The following SLC22A2 variants were observed in gnomAD, a reference collection of about 807,000 sequenced individuals.
SLC22A2 encodes the protein solute carrier family 22 member 2, also known as organic cation transporter 2.
SLC22A2 carries 46 observed loss-of-function variants against 60.5 expected under a neutral mutation model. The ratio of observed to expected loss-of-function variants is 0.76; its 90% confidence interval spans 0.60 to 0.97. The LOEUF is 0.97. Among genes scored for constraint, SLC22A2 ranks in the 50% least tolerant of loss-of-function variants. The pLI is 0.00. For missense variants in SLC22A2, 701 were observed against 706.6 expected, an observed-to-expected ratio of 0.99 and a Z score of 0.09; for synonymous variants, 303 against 267.0, an observed-to-expected ratio of 1.13 and a Z score of -1.31.
intron 9 of SLC22A2, among the ~76,000 whole-genome samples, 194 bp from the exon 10 acceptor site, chr6:160,224,998 T>C (rs973533258): frequency 6.6e-5 from 10 of 152,210 alleles, no homozygotes; most frequent in Non-Finnish European, 1.5e-5. Flanking sequence ...TGAATTACTA[T>C]TCCTAATAGG....
At chr6:160,218,790 T>C (rs1453593580) in intron 10 of SLC22A2, among the ~76,000 whole-genome samples, 2 of 262 alleles carry the variant, frequency 7.6e-3, no homozygotes, top group Non-Finnish European at 0.018. Flanking sequence ...GCAACAATTT[T>C]AGCAATAGCA....
At chr6:160,233,243 G>A (rs533178552) in intron 9 of SLC22A2, among the ~76,000 whole-genome samples, 7 of 151,980 alleles carry the variant, frequency 4.6e-5, no homozygotes, top group East Asian at 1.9e-4. Context: ...TTTCCACAGG[G>A]TCTGAGAAGG....
chr6:160,241,890 T>C (rs968811863), intron 8 of SLC22A2, among the ~76,000 whole-genome samples: 1 of 152,024 alleles, frequency 6.6e-6, no homozygotes. Context: ...TATATATATA[T>C]ATATACATAA....
chr6:160,256,695 G>C lies in SLC22A2; in HGVS notation c.437C>G (p.Ser146Cys). ...VTEFNLVCAN[S>C]WMLDLFQSSV... ...TGACTGGAATAGGTCCAACATCCAG[G>C]AGTTGGCACATACCAGGTTAAACTG... Residue 146 changes from serine (S) to cysteine (C), a missense_variant, in exon 2 of 11, where the codon TCC becomes TGC. Transcript: ENST00000366953. 1 of 1,613,814 alleles carries C rather than the reference G, an allele frequency of 6.2e-7. No homozygotes were observed. The highest frequency in any genetic ancestry group is 8.5e-7 in the Non-Finnish European group (1 of 1,179,698).
intron 1 of SLC22A2, among the ~76,000 whole-genome samples, chr6:160,257,492 A>G (rs1269321845): frequency 1.3e-5 from 2 of 152,038 alleles, no homozygotes; most frequent in East Asian, 3.9e-4. Flanking sequence ...GTAGGAAGCA[A>G]TGAGATTGGC....
intron 8 of SLC22A2, among the ~76,000 whole-genome samples, chr6:160,242,030 C>G (rs1037607075): frequency 6.6e-6 from 1 of 152,040 alleles, no homozygotes; most frequent in Admixed American, 6.6e-5. Flanking sequence ...CCTGTTTGTG[C>G]TGTTCCACAA....
At chr6:160,254,068 A>G (rs1783229542) in intron 2 of SLC22A2, among the ~76,000 whole-genome samples, 1 of 152,182 alleles carries the variant, frequency 6.6e-6, no homozygotes, top group African/African-American at 2.4e-5. Context: ...ACCTAAGGTC[A>G]GTAGTTCGAG....
Position 160,217,265 on chromosome 6 carries a change from A to G in SLC22A2, c.*167T>C. ...TTTGGCAGGATCTGGTCCCATGGGT[A>G]TTTTTCCACAGTGTACAATAGACTC... On this transcript the variant is annotated 3_prime_UTR_variant, in exon 11 of 11. Coordinates refer to ENST00000366953, the MANE Select transcript of SLC22A2 (RefSeq NM_003058.4). 2.4e-6 allele frequency: 1 copy of G among 413,368 alleles called. No individual in the cohort carries two copies. The highest frequency in any genetic ancestry group is 4.3e-6 in the Non-Finnish European group (1 of 232,960). 25.6% of individuals were successfully genotyped at this position (413,368 alleles called of 1,614,324 possible). A position where few individuals can be genotyped will look rare whatever the true frequency, so the allele number is the denominator to read the frequency against.
intron 4 of SLC22A2, 58 bp downstream of exon 4, chr6:160,249,158 A>G: frequency 1.6e-6 from 2 of 1,239,196 alleles, no homozygotes; most frequent in Non-Finnish European, 1.1e-6. Flanking sequence ...AGGAAGGCAG[A>G]CTTCTTAGCA....
Position 160,247,201 on chromosome 6 carries a change from G to C in SLC22A2, c.940C>G (p.Leu314Val), listed in dbSNP as rs1178408628. The C allele has an allele frequency of 2.5e-6, 4 of 1,605,454 alleles. No individual in the cohort carries two copies. The highest frequency in any genetic ancestry group is 3.4e-6 in the Non-Finnish European group (4 of 1,172,204). ...TGGCTCACCTGAAGGGAGGCGGGTA[G>C]AGATTTTCCATTTTTCTTTGCGATG... ...KHIAKKNGKS[L>V]PASLQRLRLE... Residue 314 changes from leucine to valine, a missense_variant, in exon 5 of 11, where the codon CTA (leucine) becomes GTA (valine). Transcript: ENST00000366953.
intron 10 of SLC22A2, among the ~76,000 whole-genome samples, chr6:160,218,721 C>T (rs1782583393): frequency 1.1e-5 from 1 of 90,116 alleles, no homozygotes; most frequent in Non-Finnish European, 2.5e-5. Flanking sequence ...ACAGCAGCAG[C>T]AACAATAACA....
chr6:160,258,165 A>C (rs1783307001), intron 1 of SLC22A2, among the ~76,000 whole-genome samples, 179 bp downstream of exon 1: 1 of 152,250 alleles, frequency 6.6e-6, no homozygotes, highest in Non-Finnish European at 1.5e-5. Flanking sequence ...TAATCCAGTT[A>C]TTCTCCAGAC....
chr6:160,229,655 C>T (rs1782787215), intron 9 of SLC22A2, among the ~76,000 whole-genome samples: 1 of 151,726 alleles, frequency 6.6e-6, no homozygotes, highest in Non-Finnish European at 1.5e-5. Context: ...GCACCCCCCA[C>T]TCCTTCTCTC....
At chr6:160,241,653 C>G in intron 8 of SLC22A2, 67 bp from the exon 9 acceptor site, 1 of 943,080 alleles carries the variant, frequency 1.1e-6, no homozygotes, top group Admixed American at 1.8e-5. Flanking sequence ...CCCATCCACC[C>G]CTGAATAAAC....
rs751023389 is a variant in SLC22A2 at position 160,256,687 on chromosome 6, A to G, written c.445T>C (p.Leu149=). The G allele has an allele frequency of 1.4e-5, 23 of 1,614,010 alleles. 1 individual carries two copies. The South Asian group carries it at 2.5e-4, about 18-fold the overall frequency. ...TTCACTGATGACTGGAATAGGTCCA[A>G]CATCCAGGAGTTGGCACATACCAGG... ...FNLVCANSWM[L]DLFQSSVNVG... is the part of the protein sequence containing the mutation. Residue 149 remains leucine (L), a synonymous_variant, in exon 2 of 11, where the codon TTG becomes CTG. Transcript: ENST00000366953.
chr6:160,258,667 C>G lies in SLC22A2; in HGVS notation c.91G>C (p.Ala31Pro). ...CCCACGTAGATGGGCGCGAAGGTAG[C>G]CGAGAGCAGAGCCAAGAGGAAAAAC... ...QMFFLLALLS[A>P]TFAPIYVGIV... is the part of the protein sequence containing the mutation. The change falls in exon 1 of 11, where the codon GCT (alanine) becomes CCT (proline). Residue 31 changes from alanine to proline, a missense_variant. Coordinates refer to ENST00000366953, the MANE Select transcript of SLC22A2 (RefSeq NM_003058.4). 1.2e-6 allele frequency: 2 copies of G among 1,613,248 alleles called. No individual in the cohort carries two copies. Among genetic ancestry groups the G allele is most frequent in the Non-Finnish European group, 1.7e-6 (2 of 1,179,600 alleles).
At position 160,249,285 on chromosome 6, in the gene SLC22A2, G is replaced by A. The variant is rs775476092; in HGVS notation, c.773C>T (p.Ala258Val). The change falls in exon 4 of 11, where the codon GCA becomes GTA. Residue 258 changes from alanine (A) to valine (V), a missense_variant. Transcript: ENST00000366953. ...GLLVLAGVAY[A>V]LPHWRWLQFT... ...CTGCAACCACCTCCAGTGAGGAAGT[G>A]CGTAAGCCACCCCAGCTAGCACCAG... 32 of 1,613,276 alleles carry A rather than the reference G, an allele frequency of 2.0e-5. No homozygotes were observed. The highest frequency in any genetic ancestry group is 6.6e-5 in the South Asian group (6 of 91,034).
intron 9 of SLC22A2, among the ~76,000 whole-genome samples, chr6:160,229,656 T>C (rs1782787254): frequency 6.6e-6 from 1 of 151,378 alleles, no homozygotes; most frequent in Non-Finnish European, 1.5e-5. Context: ...CACCCCCCAC[T>C]CCTTCTCTCT....
At chr6:160,244,772 A>G (rs1217014384) in intron 6 of SLC22A2, 1 of 152,184 alleles carries the variant, frequency 6.6e-6, no homozygotes. Context: ...GTGATTGTAA[A>G]TCTCCATTTG....
Sources: allele counts gnomAD v4.1 joint callset (sites outside exome capture counted in the v4.1 genomes callset), GRCh38; gene constraint gnomAD v4.1.1; transcripts MANE v1.5; gene names NCBI Gene and HGNC (gene_info 2026-07-23, HGNC 2026-07-21).